The following PCDHGA10 variants were observed in gnomAD, a reference collection of about 807,000 sequenced individuals.
PCDHGA10 encodes the protein protocadherin gamma subfamily A, 10.
In PCDHGA10, 42 loss-of-function variants were observed where a neutral mutation model predicts 59.5. That is an observed-to-expected ratio of 0.71 (90% CI 0.55 to 0.91). PCDHGA10 has a LOEUF of 0.91. Among genes scored for constraint, PCDHGA10 ranks in the 40% least tolerant of loss-of-function variants. The pLI is 0.00. For synonymous variants in PCDHGA10, 511 were observed against 517.2 expected (o/e 0.99, Z 0.16); for missense variants, 1,111 against 1,198.2 (o/e 0.93, Z 1.07).
chr5:141,425,585 A>T (rs1270579511), intron 1 of PCDHGA10, among the ~76,000 whole-genome samples: 1 of 152,252 alleles, frequency 6.6e-6, no homozygotes, highest in Non-Finnish European at 1.5e-5. Context: ...GGCTAACTTT[A>T]TTCTGAATAT....
chr5:141,454,669 AC>A (rs1292139052), intron 1 of PCDHGA10, among the ~76,000 whole-genome samples: 1 of 151,212 alleles, frequency 6.6e-6, no homozygotes, highest in African/African-American at 2.4e-5. Context: ...GCCTCCCAAA[AC>A]ACTGGGATTA....
intron 1 of PCDHGA10, among the ~76,000 whole-genome samples, chr5:141,482,791 G>T (rs1039924143): frequency 2.6e-5 from 4 of 152,168 alleles, no homozygotes; most frequent in African/African-American, 9.7e-5. Flanking sequence ...TGTGTGTGTG[G>T]CCGGGTACGG....
chr5:141,492,575 C>T (rs1213639439), intron 1 of PCDHGA10, among the ~76,000 whole-genome samples: 1 of 152,218 alleles, frequency 6.6e-6, no homozygotes, highest in South Asian at 2.1e-4. Flanking sequence ...GAGCGAGGCG[C>T]GGGGCCAGGA....
At position 141,477,263 on chromosome 5, in the gene PCDHGA10, G is replaced by C. The variant is rs543767777; in HGVS notation, c.2437-17544G>C. ...CAGTGTGACTGACCTGGATGCTGGC[G>C]AGAACGGGCTGGTGACCTGCGAAGT... On this transcript the variant is annotated intron_variant, in intron 1 of 3. Coordinates refer to ENST00000398610, the MANE Select transcript of PCDHGA10 (RefSeq NM_018913.3). The surrounding 1 kb of genome is among the most constrained non-coding windows in gnomAD (Gnocchi z 4.9). The C allele has an allele frequency of 6.2e-7, 1 of 1,614,192 alleles. No individual in the cohort carries two copies. The highest frequency in any genetic ancestry group is 1.3e-5 in the African/African-American group (1 of 75,058).
chr5:141,458,990 C>T (rs2098958778), intron 1 of PCDHGA10, among the ~76,000 whole-genome samples: 1 of 152,212 alleles, frequency 6.6e-6, no homozygotes, highest in Non-Finnish European at 1.5e-5. Context: ...GCCTCACCCT[C>T]CCAAAGTGCT....
chr5:141,495,873 C>G (rs2099764359), intron 2 of PCDHGA10, among the ~76,000 whole-genome samples: 1 of 152,146 alleles, frequency 6.6e-6, no homozygotes, highest in Admixed American at 6.6e-5. Flanking sequence ...CTGCTTTCCT[C>G]TCTGTTCTTT....
chr5:141,472,068 G>C (rs1050927364), intron 1 of PCDHGA10, among the ~76,000 whole-genome samples: 7 of 151,974 alleles, frequency 4.6e-5, no homozygotes, highest in Non-Finnish European at 8.8e-5. Context: ...CATGTCTGTG[G>C]TTATATCAAT....
At position 141,476,602 on chromosome 5, in the gene PCDHGA10, C is replaced by T; in HGVS notation, c.2437-18205C>T. 6.2e-7 allele frequency: 1 copy of T among 1,614,208 alleles called. No homozygotes were observed. Among genetic ancestry groups the T allele is most frequent in the Middle Eastern group, 1.6e-4 (1 of 6,062 alleles). Reference sequence around the variant, plus strand: ...TTCCGCTCGAGAGCGCGCACGATCCCGATGTGGGAAGCAACTCTTTACAAA... The same window carrying T: ...TTCCGCTCGAGAGCGCGCACGATCCTGATGTGGGAAGCAACTCTTTACAAA... On this transcript the variant is annotated intron_variant, in intron 1 of 3. Coordinates refer to ENST00000398610, the MANE Select transcript of PCDHGA10 (RefSeq NM_018913.3). The surrounding 1 kb of genome is among the most constrained non-coding windows in gnomAD (Gnocchi z 7.6).
At chr5:141,509,096 T>C (rs1364889034) in intron 3 of PCDHGA10, among the ~76,000 whole-genome samples, 1 of 152,124 alleles carries the variant, frequency 6.6e-6, no homozygotes, top group African/African-American at 2.4e-5. Context: ...ATGGGGGCTG[T>C]AGAAACCTGA....
chr5:141,458,409 G>C (rs188300064), intron 1 of PCDHGA10, among the ~76,000 whole-genome samples: 1 of 152,244 alleles, frequency 6.6e-6, no homozygotes, highest in African/African-American at 2.4e-5. Context: ...GAGACGGAGC[G>C]GGGGTTCCAA....
intron 1 of PCDHGA10, chr5:141,440,995 C>G (rs1425894086): frequency 6.6e-6 from 1 of 152,154 alleles, no homozygotes; most frequent in Non-Finnish European, 1.5e-5. Context: ...GTACCCATAT[C>G]TAGTTTGGCC....
At chr5:141,420,406 T>C (rs2096494414) in intron 1 of PCDHGA10, 1 of 1,241,672 alleles carries the variant, frequency 8.1e-7, no homozygotes, top group Non-Finnish European at 1.1e-6. Context: ...AATTTATGGT[T>C]ATCATTATTA....
Position 141,422,832 on chromosome 5 carries a change from A to G in PCDHGA10, c.2436+7221A>G, listed in dbSNP as rs12520854. On this transcript the variant is annotated intron_variant, in intron 1 of 3. Coordinates refer to ENST00000398610, the MANE Select transcript of PCDHGA10 (RefSeq NM_018913.3). Reference sequence around the variant, plus strand: ...GAGACTTAGAACTGAGAGTGATAGCACGTGACAGCGGGGACCCGCCCCTCA... The same window carrying G: ...GAGACTTAGAACTGAGAGTGATAGCGCGTGACAGCGGGGACCCGCCCCTCA... The G allele has an allele frequency of 6.8e-3, 10,902 of 1,614,192 alleles. 60 individuals are homozygous for G. The highest frequency in any genetic ancestry group is 7.9e-3 in the Non-Finnish European group (9,294 of 1,180,036).
chr5:141,485,786 C>A lies in PCDHGA10; in HGVS notation c.2437-9021C>A. On this transcript the variant is annotated intron_variant, in intron 1 of 3. Transcript: ENST00000398610. This position sits in a 1 kb window ranked among gnomAD's most constrained non-coding sequence, Gnocchi z 5.7. ...GGAGAAGCCTTTGGATCGAGAGAAG[C>A]AATCGGACTACCGCCTGGTGCTGAC... 1 of 1,614,208 alleles carries A rather than the reference C, an allele frequency of 6.2e-7. No individual in the cohort carries two copies. The highest frequency in any genetic ancestry group is 1.3e-5 in the African/African-American group (1 of 75,062).
chr5:141,419,067 A>C (rs2096321794), intron 1 of PCDHGA10: 2 of 1,613,956 alleles, frequency 1.2e-6, no homozygotes, highest in African/African-American at 1.3e-5. Flanking sequence ...AATTACTACA[A>C]GCTAGTAACA....
At position 141,511,424 on chromosome 5, in the gene PCDHGA10, G is replaced by A. The variant is rs939906846; in HGVS notation, c.*251G>A. 10 of 810,392 alleles carry A rather than the reference G, an allele frequency of 1.2e-5. No homozygotes were observed. Among genetic ancestry groups the A allele is most frequent in the East Asian group, 3.0e-5 (1 of 33,800 alleles). The allele number at this position is 810,392 out of a possible 1,614,324, so 50.2% of individuals were successfully genotyped here. On this transcript the variant is annotated 3_prime_UTR_variant, in exon 4 of 4. Transcript: ENST00000398610. The stretch of plus-strand genomic sequence containing the variant: ...ATCAACTGCTGTACCCATGGGGGTA[G>A]TGGGGTTACTGTAGACACCAAGAAC...
chr5:141,478,358 C>G, intron 1 of PCDHGA10: 1 of 1,613,738 alleles, frequency 6.2e-7, no homozygotes, highest in South Asian at 1.1e-5. Flanking sequence ...GGACGCCGTG[C>G]GGGGAGGCCT....
rs370127569 is a variant in PCDHGA10 at position 141,422,859 on chromosome 5, C to T, written c.2436+7248C>T. 1.4e-5 allele frequency: 22 copies of T among 1,614,148 alleles called. No homozygotes were observed. In the African/African-American group the frequency reaches 2.5e-4, roughly 19 times the overall value. ...GTGACAGCGGGGACCCGCCCCTCAG[C>T]AGCAACGTGTCGCTGAGCCTGTTCG... On this transcript the variant is annotated intron_variant, in intron 1 of 3. Transcript: ENST00000398610.
chr5:141,428,495 T>C (rs1023405537), intron 1 of PCDHGA10: 3 of 295,346 alleles, frequency 1.0e-5, no homozygotes, highest in African/African-American at 6.5e-5. Flanking sequence ...AATCTGTATG[T>C]TCCCTCGGAT....
Sources: allele counts gnomAD v4.1 joint callset (sites outside exome capture counted in the v4.1 genomes callset), GRCh38; gene constraint gnomAD v4.1.1; non-coding constraint Gnocchi (gnomAD v3.1); transcripts MANE v1.5; gene names NCBI Gene and HGNC (gene_info 2026-07-23, HGNC 2026-07-21).